The following HMCN2 variants were observed in gnomAD, a reference collection of about 807,000 sequenced individuals.
HMCN2 encodes the protein hemicentin-2.
In HMCN2, 325 loss-of-function variants were observed where a neutral mutation model predicts 377.5. The ratio of observed to expected loss-of-function variants is 0.86; its 90% CI spans 0.79 to 0.94. HMCN2 has a LOEUF of 0.94. HMCN2 is among the 40% of genes least tolerant of loss of function. The pLI, the probability that HMCN2 is intolerant of heterozygous loss-of-function variation, is 0.00. For missense variants in HMCN2, 4,543 were observed against 4,725.3 expected (o/e 0.96, Z 1.13); for synonymous variants, 2,007 against 2,046.8 (o/e 0.98, Z 0.53).
Position 130,337,963 on chromosome 9 carries a change from G to C in HMCN2, c.3429G>C (p.Glu1143Asp), listed in dbSNP as rs1838843091. 6.6e-6 allele frequency: 1 copy of C among 152,636 alleles called. No individual in the cohort carries two copies. The highest frequency in any genetic ancestry group is 1.5e-5 in the Non-Finnish European group (1 of 68,438). 9.5% of individuals were successfully genotyped at this position (152,636 alleles called of 1,614,324 possible). Reference sequence around the variant, plus strand: ...AGGTGGGTGACAGCGGCCACTACGAGTGCACAGCCAGTAACCCCGCCGGGT... The same window carrying C: ...AGGTGGGTGACAGCGGCCACTACGACTGCACAGCCAGTAACCCCGCCGGGT... ...QVQVGDSGHYECTASNPAGSA... is the reference protein window; with the variant it reads ...QVQVGDSGHYDCTASNPAGSA... Residue 1143 changes from glutamate (E) to aspartate (D), a missense_variant, in exon 23 of 98, where the codon GAG (glutamate) becomes GAC (aspartate). This residue lies in a region of HMCN2 where 547 missense variants were observed against 189.9 expected (regional missense o/e 2.88). Transcript: ENST00000683500.
chr9:130,360,747 TCCAA>T lies in HMCN2; in HGVS notation c.5950+147_5950+150del. 2.9e-6 allele frequency: 1 copy of T among 343,902 alleles called. No individual in the cohort carries two copies. The highest frequency in any genetic ancestry group is 5.3e-6 in the Non-Finnish European group (1 of 188,828). The allele number at this position is 343,902 out of a possible 1,614,324, so 21.3% of individuals were successfully genotyped here. A position where few individuals can be genotyped will look rare whatever the true frequency, so the allele number is the denominator to read the frequency against. On this transcript the variant is annotated intron_variant, in intron 38 of 97. Coordinates refer to ENST00000683500, the MANE Select transcript of HMCN2 (RefSeq NM_001291815.2). The surrounding 1 kb of genome is among the most constrained non-coding windows in gnomAD (Gnocchi z 4.7). ...CGTTACCCCATCCATCCATCATCCA[TCCAA>T]CCATCCATCCATCCATCCATCCATC...
At chr9:130,359,244 C>A in intron 36 of HMCN2, 75 bp from the exon 37 acceptor site, 2 of 782,830 alleles carry the variant, frequency 2.6e-6, no homozygotes, top group Non-Finnish European at 3.8e-6. Flanking sequence ...GGGAGCAGCA[C>A]TGCTGGGATG....
chr9:130,365,292 G>T (rs1840634384), intron 41 of HMCN2, among the ~76,000 whole-genome samples: 1 of 152,238 alleles, frequency 6.6e-6, no homozygotes, highest in South Asian at 2.1e-4. Context: ...TTCTCTTCGG[G>T]TCTGTTTTCT....
At position 130,348,667 on chromosome 9, in the gene HMCN2, G is replaced by T. The variant is rs778006075; in HGVS notation, c.4147G>T (p.Ala1383Ser). 2.3e-6 allele frequency: 3 copies of T among 1,303,514 alleles called. No individual in the cohort carries two copies. The South Asian group carries it at 3.7e-5, about 16-fold the overall frequency. The allele number at this position is 1,303,514 out of a possible 1,614,324, so 80.7% of individuals were successfully genotyped here. A position where few individuals can be genotyped will look rare whatever the true frequency, so the allele number is the denominator to read the frequency against. Reference protein sequence around the residue: ...PVPEIVWLKDAQLIPKVGGHR... With the variant: ...PVPEIVWLKDSQLIPKVGGHR... ...CCCTGAGATCGTGTGGCTGAAGGAC[G>T]CGCAGCTGGTGGGTGTCCCCCTAGG... Residue 1383 changes from alanine (A) to serine (S), a missense_variant, in exon 27 of 98, where the codon GCG (alanine) becomes TCG (serine). Physicochemically the swap from Ala to Ser is moderately conservative, Grantham distance 99. This residue lies in a region of HMCN2 where 1,032 missense variants were observed against 1,285.1 expected (regional missense o/e 0.80). Coordinates refer to ENST00000683500, the MANE Select transcript of HMCN2 (RefSeq NM_001291815.2).
At position 130,294,853 on chromosome 9, in the gene HMCN2, A is replaced by G. The variant is rs782190095; in HGVS notation, c.613-2A>G. On this transcript the variant is annotated splice_acceptor_variant, in intron 4 of 97. Transcript: ENST00000683500. LOFTEE classifies it high-confidence loss of function. ...GCATCAGCTCCTCATACTTGCCTCC[A>G]GGTGCTGAAGTGGGTGGAGTCAGCG... is the stretch of plus-strand genomic sequence containing the variant. 4 of 440,054 alleles carry G rather than the reference A, an allele frequency of 9.1e-6. No homozygotes were observed. Among genetic ancestry groups the G allele is most frequent in the South Asian group, 6.6e-5 (4 of 60,378 alleles). 27.3% of individuals were successfully genotyped at this position (440,054 alleles called of 1,614,324 possible).
intron 19 of HMCN2, among the ~76,000 whole-genome samples, chr9:130,324,175 T>C (rs1826353120): frequency 6.6e-6 from 1 of 152,198 alleles, no homozygotes; most frequent in Non-Finnish European, 1.5e-5. Flanking sequence ...TAGCTCCCCA[T>C]TCCCGTCTCC....
intron 51 of HMCN2, 63 bp downstream of exon 51, chr9:130,376,052 C>T: frequency 1.4e-6 from 1 of 694,000 alleles, no homozygotes; most frequent in Non-Finnish European, 1.8e-6. Context: ...CCTAGGGGCC[C>T]AGGCACCTGA....
intron 48 of HMCN2, among the ~76,000 whole-genome samples, chr9:130,374,251 T>C (rs1326143039): frequency 6.6e-6 from 1 of 152,120 alleles, no homozygotes; most frequent in East Asian, 1.9e-4. Flanking sequence ...AATGAATGGA[T>C]GGAAGGAATA....
At chr9:130,342,012 A>AAAATAAAG (rs1839077923) in intron 24 of HMCN2, among the ~76,000 whole-genome samples, 1 of 130,692 alleles carries the variant, frequency 7.7e-6, no homozygotes, top group Non-Finnish European at 1.6e-5. Context: ...CCCATCTCTT[A>AAAATAAAG]AAATAAATAA....
At chr9:130,373,687 G>GATA (rs1841193038) in intron 48 of HMCN2, among the ~76,000 whole-genome samples, 2 of 118,676 alleles carry the variant, frequency 1.7e-5, no homozygotes, top group South Asian at 5.9e-4. Flanking sequence ...ATGGATGGAT[G>GATA]GATAGATGGA....
At chr9:130,306,989 C>A in intron 13 of HMCN2, 51 bp downstream of exon 13, 1 of 430,226 alleles carries the variant, frequency 2.3e-6, no homozygotes. Flanking sequence ...CCTTCCCTCC[C>A]TCCTCCCTCC....
intron 7 of HMCN2, among the ~76,000 whole-genome samples, 166 bp from the exon 8 acceptor site, chr9:130,298,859 C>A (rs1395665748): frequency 6.6e-6 from 1 of 152,138 alleles, no homozygotes; most frequent in Non-Finnish European, 1.5e-5. Flanking sequence ...TCTACCTATC[C>A]CACCCCCAGC....
rs1022619293 is a variant in HMCN2 at position 130,398,670 on chromosome 9, C to A, written c.11446C>A (p.Gln3816Lys). ...CCTGGTGGTCTGGTGGAAGGACGGA[C>A]AGAAGCTGGACTTCCGCCTGCAGCA... Reference protein sequence around the residue: ...KPLVVWWKDGQKLDFRLQQGA... With the variant: ...KPLVVWWKDGKKLDFRLQQGA... Residue 3816 changes from glutamine to lysine, a missense_variant, in exon 75 of 98, where the codon CAG becomes AAG. Gln to Lys is a moderately conservative substitution (Grantham distance 53, BLOSUM62 1). Around this residue, in one of 5 missense-constraint regions of HMCN2, gnomAD observed 1,073 missense variants for 1,319.5 expected, o/e 0.81. Transcript: ENST00000683500. 7 of 1,289,556 alleles carry A rather than the reference C, an allele frequency of 5.4e-6. No individual in the cohort carries two copies. In the African/African-American group the frequency reaches 1.1e-4, roughly 20 times the overall value. 79.9% of individuals were successfully genotyped at this position (1,289,556 alleles called of 1,614,324 possible). A position where few individuals can be genotyped will look rare whatever the true frequency, so the allele number is the denominator to read the frequency against.
rs995566209 is a variant in HMCN2, at chr9:130,428,812, C to T, written c.14197+323C>T. On this transcript the variant is annotated intron_variant, in intron 93 of 97. Transcript: ENST00000683500. This position sits in a 1 kb window ranked among gnomAD's most constrained non-coding sequence, Gnocchi z 5.0. ...CCCTCTGCTGCCATCCGTTCTGTTC[C>T]CCCATATGAATCAAGGCCCAGCTAG... 3.9e-5 allele frequency among the ~76,000 whole-genome samples: 6 copies of T among 152,178 alleles called. No individual in the cohort carries two copies. The highest frequency in any genetic ancestry group is 1.4e-4 in the African/African-American group (6 of 41,438).
In HMCN2 at chr9:130,396,014, G is replaced by C. The variant is rs567888506; in HGVS notation, c.11002G>C (p.Ala3668Pro). Residue 3668 changes from alanine (A) to proline (P), a missense_variant, in exon 72 of 98, where the codon GCC (alanine) becomes CCC (proline). By Grantham distance (27) the Ala-to-Pro change is conservative (BLOSUM62 -1). Transcript: ENST00000683500. ...TADSGDYSCT[A>P]RNAAGSTSVA... ...TGACAGCGGCGACTACAGCTGCACA[G>C]CCCGCAACGCCGCAGGCAGCACTAG... is the stretch of plus-strand genomic sequence containing the variant. 248 of 1,287,438 alleles carry C rather than the reference G, an allele frequency of 1.9e-4. No individual in the cohort carries two copies. In the African/African-American group the frequency reaches 3.6e-3, roughly 19 times the overall value. The allele number at this position is 1,287,438 out of a possible 1,614,324, so 79.8% of individuals were successfully genotyped here.
chr9:130,388,539 G>C lies in HMCN2; in HGVS notation c.9522G>C (p.Val3174=). 1.0e-6 allele frequency: 1 copy of C among 988,132 alleles called. No homozygotes were observed. Among genetic ancestry groups the C allele is most frequent in the Non-Finnish European group, 1.2e-6 (1 of 830,132 alleles). The allele number at this position is 988,132 out of a possible 1,614,324, so 61.2% of individuals were successfully genotyped here. Residue 3174 remains valine (V), a splice_region_variant and synonymous_variant, in exon 62 of 98, where the codon GTG becomes GTC. Coordinates refer to ENST00000683500, the MANE Select transcript of HMCN2 (RefSeq NM_001291815.2). ...CTTGGCTGAAGGACAGGATGCCTGTGGGTGAGCACATCTGTCCTTGTCTGT... is the reference window on the plus strand; with the variant it reads ...CTTGGCTGAAGGACAGGATGCCTGTCGGTGAGCACATCTGTCCTTGTCTGT... The part of the protein sequence containing the change: ...TVTWLKDRMP[V]ESSAVHGVVS...
rs1049096578 is a variant in HMCN2 at position 130,361,855 on chromosome 9, G to C, written c.5951-153G>C. 2.0e-5 allele frequency among the ~76,000 whole-genome samples: 3 copies of C among 152,196 alleles called. No individual in the cohort carries two copies. Among genetic ancestry groups the C allele is most frequent in the Non-Finnish European group, 4.4e-5 (3 of 68,026 alleles). On this transcript the variant is annotated intron_variant, in intron 38 of 97. Transcript: ENST00000683500. This position sits in a 1 kb window ranked among gnomAD's most constrained non-coding sequence, Gnocchi z 4.8. The stretch of plus-strand genomic sequence containing the variant: ...TGAAAGGATGGAAGTAGCAGCCTTG[G>C]GGGCAGTGGAGTGGCTCAGAGCCCG...
At chr9:130,300,654 C>G (rs1467968460) in intron 8 of HMCN2, among the ~76,000 whole-genome samples, 1 of 152,256 alleles carries the variant, frequency 6.6e-6, no homozygotes, top group Non-Finnish European at 1.5e-5. Context: ...CATTTGTGGG[C>G]AAGGGCCCTC....
At chr9:130,359,218 T>C in intron 36 of HMCN2, 101 bp from the exon 37 acceptor site, 1 of 528,668 alleles carries the variant, frequency 1.9e-6, no homozygotes, top group Admixed American at 3.2e-5. Context: ...TAGTCTAGGA[T>C]TTTCTATGGG....
Sources: gnomAD v4.1 joint callset for allele counts (sites outside exome capture counted in the v4.1 genomes callset) on GRCh38, gnomAD v4.1.1 for gene constraint, gnomAD v4.1.1 regional missense constraint, Gnocchi (gnomAD v3.1) non-coding constraint, MANE v1.5 for transcripts, NCBI Gene and HGNC (gene_info 2026-07-23, HGNC 2026-07-21) for gene names.